ADAP1: variants seen among roughly 807,000 people sequenced by gnomAD.
The protein encoded by ADAP1 is arf-GAP with dual PH domain-containing protein 1.
A neutral mutation model predicts 54.9 loss-of-function variants in ADAP1; 31 were observed. The observed-to-expected ratio is 0.56, with a 90% CI of 0.42 to 0.76. The LOEUF is 0.76. Among genes scored for constraint, ADAP1 ranks in the 30% least tolerant of loss-of-function variants. The pLI, the probability that ADAP1 is intolerant of heterozygous loss-of-function variation, is 0.00. For synonymous variants in ADAP1, 313 were observed against 202.6 expected, an observed-to-expected ratio of 1.55 and a Z score of -4.63; for missense variants, 535 against 512.4, an observed-to-expected ratio of 1.04 and a Z score of -0.42.
At chr7:900,397 C>T in intron 7 of ADAP1, 136 bp downstream of exon 7, 2 of 1,041,354 alleles carry the variant, frequency 1.9e-6, no homozygotes, top group Non-Finnish European at 2.8e-6. Flanking sequence ...GCAGGCACGT[C>T]AGGGTGAGCC....
chr7:945,644 C>T lies in ADAP1; in HGVS notation c.82+8752G>A. 1.3e-6 allele frequency: 1 copy of T among 783,684 alleles called. No individual in the cohort carries two copies. The highest frequency in any genetic ancestry group is 1.5e-6 in the Non-Finnish European group (1 of 645,950). 48.5% of individuals were successfully genotyped at this position (783,684 alleles called of 1,614,324 possible). The stretch of plus-strand genomic sequence containing the variant: ...GGTAGGGAGGGGCAGGCCCAAGACT[C>T]CAGCCCCCACAAACATCCAGGCTGC... On this transcript the variant is annotated intron_variant, in intron 1 of 10. Transcript: ENST00000265846. The surrounding 1 kb of genome is among the most constrained non-coding windows in gnomAD (Gnocchi z 4.2).
At chr7:949,467 C>T (rs1045777680) in intron 1 of ADAP1, among the ~76,000 whole-genome samples, 16 of 152,278 alleles carry the variant, frequency 1.1e-4, no homozygotes, top group African/African-American at 3.1e-4. Flanking sequence ...GAGTCTAAAA[C>T]GGCAGTGGCC....
chr7:933,495 GGGGTC>G (rs1562932244), intron 2 of ADAP1, among the ~76,000 whole-genome samples: 4 of 101,682 alleles, frequency 3.9e-5, no homozygotes, highest in Non-Finnish European at 9.0e-5. Context: ...GCCGGGGGCC[GGGGTC>G]AGTGGTGCTG....
intron 2 of ADAP1, among the ~76,000 whole-genome samples, chr7:933,546 T>G (rs1846655682): frequency 1.3e-5 from 1 of 77,954 alleles, no homozygotes; most frequent in Non-Finnish European, 2.4e-5. Flanking sequence ...TCAGTGGTGC[T>G]GGAGAGCCGG....
At position 916,804 on chromosome 7, in the gene ADAP1, T is replaced by C. The variant is rs549511300; in HGVS notation, c.388+3164A>G. On this transcript the variant is annotated intron_variant, in intron 4 of 10. Coordinates refer to ENST00000265846, the MANE Select transcript of ADAP1 (RefSeq NM_006869.4). ...AGGAGGGCAGAGCCGACAGGACCGC[T>C]GCATGAGACCCCAGCCTGACCTGGG... Among the ~76,000 whole-genome samples, 312 of 152,218 alleles carry C rather than the reference T, an allele frequency of 2.0e-3. 1 individual carries two copies. The highest frequency in any genetic ancestry group is 7.3e-3 in the African/African-American group (305 of 41,536).
At chr7:904,999 T>A (rs1845032383) in intron 5 of ADAP1, 61 bp downstream of exon 5, 4 of 1,454,278 alleles carry the variant, frequency 2.8e-6, no homozygotes, top group Non-Finnish European at 3.8e-6. Context: ...CAGGCCCCAG[T>A]GTGGGAGGCC....
At chr7:906,723 CGGG>C (rs1845438722) in intron 4 of ADAP1, among the ~76,000 whole-genome samples, 2 of 18,456 alleles carry the variant, frequency 1.1e-4, no homozygotes, top group African/African-American at 5.2e-4. Flanking sequence ...ACATCGGGGA[CGGG>C]ACATGGGGGA....
intron 4 of ADAP1, among the ~76,000 whole-genome samples, chr7:906,774 ACAGGG>A (rs879760355): frequency 0.32 from 4,649 of 14,322 alleles, 493 homozygotes; most frequent in Non-Finnish European, 0.36. Context: ...GACATGGGGG[ACAGGG>A]GACACGGGGG....
At chr7:924,981 G>GGGGGGCCA (rs1161711322) in intron 3 of ADAP1, among the ~76,000 whole-genome samples, 6 of 151,978 alleles carry the variant, frequency 3.9e-5, no homozygotes, top group African/African-American at 1.2e-4. Flanking sequence ...ATGAGAGTAC[G>GGGGGGCCA]GGGGGCCAGG....
rs145894319 is a variant in ADAP1 at position 916,185 on chromosome 7, C to T, written c.388+3783G>A. The stretch of plus-strand genomic sequence containing the variant: ...CCACACCTGACCTTTCCTGGCAGCC[C>T]GGGAGAGCAGGGATGTAAAACCCAA... On this transcript the variant is annotated intron_variant, in intron 4 of 10. Coordinates refer to ENST00000265846, the MANE Select transcript of ADAP1 (RefSeq NM_006869.4). Among the ~76,000 whole-genome samples, 107 of 152,262 alleles carry T rather than the reference C, an allele frequency of 7.0e-4. 1 individual carries two copies. In the East Asian group the frequency reaches 0.012, roughly 17 times the overall value.
At chr7:899,398 G>A (rs763716163) in intron 9 of ADAP1, 21 bp downstream of exon 9, 36 of 1,612,280 alleles carry the variant, frequency 2.2e-5, no homozygotes, top group African/African-American at 2.7e-5. Context: ...CTCCCGTGCT[G>A]GGGCCACAGC....
At chr7:905,777 GAGAAAGGA>G (rs1845221951) in intron 4 of ADAP1, among the ~76,000 whole-genome samples, 9 of 36,958 alleles carry the variant, frequency 2.4e-4, no homozygotes, top group Admixed American at 5.7e-4. Context: ...AAGGAGAAAG[GAGAAAGGA>G]GAAAGGAGAA....
chr7:900,316 T>C (rs1844725576), intron 7 of ADAP1, 152 bp from the exon 8 acceptor site: 5 of 1,042,464 alleles, frequency 4.8e-6, no homozygotes, highest in Non-Finnish European at 7.0e-6. Flanking sequence ...TTTCTGCCTC[T>C]GCTTGCCACC....
chr7:911,930 G>A (rs565280961), intron 4 of ADAP1, among the ~76,000 whole-genome samples: 1 of 152,198 alleles, frequency 6.6e-6, no homozygotes, highest in East Asian at 1.9e-4. Context: ...CACAGCTCTG[G>A]CCTGGCCCCA....
At chr7:909,112 CGGG>C (rs1845602209) in intron 4 of ADAP1, among the ~76,000 whole-genome samples, 1 of 147,180 alleles carries the variant, frequency 6.8e-6, no homozygotes, top group African/African-American at 2.5e-5. Flanking sequence ...CAGACGCCAG[CGGG>C]AACCCCGGTC....
intron 2 of ADAP1, among the ~76,000 whole-genome samples, chr7:934,626 C>A (rs1387257730): frequency 1.3e-5 from 2 of 152,126 alleles, no homozygotes; most frequent in Non-Finnish European, 2.9e-5. Flanking sequence ...CTCCATCCGA[C>A]CTGCAGCCCC....
At chr7:908,410 G>C (rs1003602123) in intron 4 of ADAP1, among the ~76,000 whole-genome samples, 2 of 152,162 alleles carry the variant, frequency 1.3e-5, no homozygotes, top group African/African-American at 4.8e-5. Context: ...GGCTGTCTTG[G>C]ATGGTGCCAG....
intron 1 of ADAP1, among the ~76,000 whole-genome samples, chr7:941,010 C>G (rs373479552): frequency 6.9e-6 from 1 of 144,932 alleles, no homozygotes; most frequent in Non-Finnish European, 1.5e-5. Flanking sequence ...GTTGGCAAAA[C>G]GCAACATCCT....
At chr7:940,881 G>A (rs1250185131) in intron 1 of ADAP1, among the ~76,000 whole-genome samples, 1 of 152,044 alleles carries the variant, frequency 6.6e-6, no homozygotes, top group Non-Finnish European at 1.5e-5. Flanking sequence ...ACATACAATT[G>A]TTTCAATAGA....
Sources: gnomAD v4.1 joint callset for allele counts (sites outside exome capture counted in the v4.1 genomes callset) on GRCh38, gnomAD v4.1.1 for gene constraint, Gnocchi (gnomAD v3.1) non-coding constraint, MANE v1.5 for transcripts, NCBI Gene and HGNC (gene_info 2026-07-23, HGNC 2026-07-21) for gene names.